NBPF3: variants seen among roughly 807,000 people sequenced by gnomAD.
NBPF3 encodes NBPF family member NBPF3.
In NBPF3, 57 loss-of-function variants were observed where a neutral mutation model predicts 78.1. The ratio of observed to expected loss-of-function variants is 0.73; its 90% CI spans 0.59 to 0.91. The LOEUF is 0.91. Ranked by LOEUF, NBPF3 falls within the 40% of genes least tolerant of loss-of-function variation. The pLI, the probability that NBPF3 is intolerant of heterozygous loss-of-function variation, is 0.00. For synonymous variants in NBPF3, 182 were observed against 271.7 expected (o/e 0.67, Z 3.25); for missense variants, 510 against 715.3 (o/e 0.71, Z 3.27).
chr1:21,436,856 G>T, upstream of NBPF3: 1 of 773,876 alleles, frequency 1.3e-6, no homozygotes, highest in Non-Finnish European at 1.8e-6. The surrounding 1 kb of genome is among the most constrained non-coding windows in gnomAD (Gnocchi z 4.3). Flanking sequence ...GGCCCGGGGG[G>T]AGGGGCTCGC....
rs1310137880 is a variant in NBPF3, at chr1:21,460,049, G to A, written c.134-8639G>A. The A allele has an allele frequency of 8.6e-5, 7 of 81,050 alleles. 3 individuals carry two copies. Among genetic ancestry groups the A allele is most frequent in the Non-Finnish European group, 2.1e-4 (7 of 32,836 alleles). The allele number at this position is 81,050 out of a possible 1,614,324, so 5.0% of individuals were successfully genotyped here. On this transcript the variant is annotated intron_variant, in intron 2 of 14. Transcript: ENST00000318249. The surrounding 1 kb of genome is among the most constrained non-coding windows in gnomAD (Gnocchi z 4.2). ...GCCGCGAACCTAACAGGTCCCATCC[G>A]CCACGAGGCTGTAGATAGAGGCGTC...
intron 2 of NBPF3, chr1:21,468,476 A>G: frequency 7.0e-7 from 1 of 1,435,668 alleles, no homozygotes; most frequent in East Asian, 2.5e-5. Flanking sequence ...CTCTTGTCGG[A>G]GACTGAGCTA....
rs148054704 is a variant in NBPF3 at position 21,477,482 on chromosome 1, G to A, written c.993-662G>A. 1.8e-3 allele frequency among the ~76,000 whole-genome samples: 272 copies of A among 152,192 alleles called. 1 individual carries two copies. Among genetic ancestry groups the A allele is most frequent in the African/African-American group, 6.3e-3 (261 of 41,510 alleles). ...TTGGTGTGGATGTCCTTTTGTTGAC[G>A]TTGATTCCTTTCTGTTTGTTAGTTT... On this transcript the variant is annotated intron_variant, in intron 8 of 14. Transcript: ENST00000318249.
intron 6 of NBPF3, 51 bp from the exon 7 acceptor site, chr1:21,473,329 A>G (rs866795917): frequency 6.3e-7 from 1 of 1,588,820 alleles, no homozygotes; most frequent in East Asian, 2.2e-5. Context: ...CCTGGTGTCC[A>G]ATCCCTCTGT....
In NBPF3 at chr1:21,478,154, G is replaced by C. The variant is rs761331030; in HGVS notation, c.1003G>C (p.Glu335Gln). The C allele has an allele frequency of 6.2e-7, 1 of 1,614,050 alleles. No individual in the cohort carries two copies. The highest frequency in any genetic ancestry group is 1.1e-5 in the South Asian group (1 of 91,074). ...TGCCTGGCTCATCAGGAATCTGCAG[G>C]AGTCTGAAGAGGAGGAAGCCCCCCA... ...KGPVSPRNLQ[E>Q]SEEEEAPQES... The change falls in exon 9 of 15, where the codon GAG becomes CAG. Residue 335 changes from glutamate to glutamine, a missense_variant. By Grantham distance (29) the Glu-to-Gln change is conservative (BLOSUM62 2). Coordinates refer to ENST00000318249, the MANE Select transcript of NBPF3 (RefSeq NM_032264.6).
chr1:21,449,125 G>A (rs1641156897), intron 2 of NBPF3, among the ~76,000 whole-genome samples: 1 of 152,102 alleles, frequency 6.6e-6, no homozygotes. Context: ...CCTAATCCCT[G>A]GTCCCCATGA....
chr1:21,464,581 A>G (rs1392635654), intron 2 of NBPF3, among the ~76,000 whole-genome samples: 1 of 152,024 alleles, frequency 6.6e-6, no homozygotes, highest in East Asian at 1.9e-4. Flanking sequence ...ACTGAAATGT[A>G]TGCTTAAAAA....
chr1:21,468,558 G>A, intron 2 of NBPF3, 130 bp from the exon 3 acceptor site: 2 of 1,563,684 alleles, frequency 1.3e-6, no homozygotes, highest in South Asian at 2.4e-5. Context: ...CTAAAGTGCT[G>A]CGGGGACTGA....
At chr1:21,469,780 CT>C (rs1162272139) in intron 3 of NBPF3, among the ~76,000 whole-genome samples, 1 of 152,144 alleles carries the variant, frequency 6.6e-6, no homozygotes, top group Non-Finnish European at 1.5e-5. Context: ...GGCACAGGCT[CT>C]TGTTCCTAAA....
chr1:21,446,693 A>G (rs2147903791), intron 2 of NBPF3, among the ~76,000 whole-genome samples: 1 of 150,988 alleles, frequency 6.6e-6, no homozygotes, highest in East Asian at 2.0e-4. Context: ...ACTGAAACCT[A>G]CATTATTTAC....
intron 9 of NBPF3, 113 bp downstream of exon 9, chr1:21,478,420 G>C (rs1643001066): frequency 8.6e-7 from 1 of 1,163,422 alleles, no homozygotes; most frequent in African/African-American, 1.5e-5. Context: ...ACTGTGGGTG[G>C]AACCTATATA....
At position 21,472,893 on chromosome 1, in the gene NBPF3, G is replaced by C; in HGVS notation, c.712G>C (p.Val238Leu). The change falls in exon 6 of 15, where the codon GTA becomes CTA. Residue 238 changes from valine to leucine, a missense_variant. Transcript: ENST00000318249. ...TGTTAAAGTTGAGGAGGCTGAGAAA[G>C]TACAGGAATTATATGCCCCCAGGTA... ...EDVKVEEAEK[V>L]QELYAPREVQ... 6.2e-7 allele frequency: 1 copy of C among 1,612,630 alleles called. No homozygotes were observed. The highest frequency in any genetic ancestry group is 8.5e-7 in the Non-Finnish European group (1 of 1,178,640).
chr1:21,471,211 G>T (rs1426323625), intron 4 of NBPF3, among the ~76,000 whole-genome samples: 1 of 152,124 alleles, frequency 6.6e-6, no homozygotes, highest in African/African-American at 2.4e-5. Flanking sequence ...TTTGTATCTA[G>T]TCGCTGCAAG....
At chr1:21,452,161 CCTTG>C (rs1641347708) in intron 2 of NBPF3, among the ~76,000 whole-genome samples, 1 of 152,072 alleles carries the variant, frequency 6.6e-6, no homozygotes, top group African/African-American at 2.4e-5. Flanking sequence ...CAAAGTGTTG[CCTTG>C]CTTCCTTTTT....
chr1:21,477,481 C>T lies in NBPF3; in HGVS notation c.993-663C>T, dbSNP rs116058285. 3.7e-3 allele frequency among the ~76,000 whole-genome samples: 565 copies of T among 152,184 alleles called. 2 individuals are homozygous for T. Among genetic ancestry groups the T allele is most frequent in the Non-Finnish European group, 6.4e-3 (438 of 68,000 alleles). Reference sequence around the variant, plus strand: ...TTTGGTGTGGATGTCCTTTTGTTGACGTTGATTCCTTTCTGTTTGTTAGTT... The same window carrying T: ...TTTGGTGTGGATGTCCTTTTGTTGATGTTGATTCCTTTCTGTTTGTTAGTT... On this transcript the variant is annotated intron_variant, in intron 8 of 14. Transcript: ENST00000318249.
At chr1:21,479,280 C>A (rs1414347565) in intron 9 of NBPF3, 69 bp from the exon 10 acceptor site, 14 of 1,497,728 alleles carry the variant, frequency 9.3e-6, no homozygotes, top group African/African-American at 1.4e-5. Flanking sequence ...TAGGATTGGA[C>A]AGAGGAATGT....
intron 1 of NBPF3, among the ~76,000 whole-genome samples, chr1:21,441,241 T>A (rs1189105095): frequency 2.0e-5 from 3 of 152,180 alleles, no homozygotes; most frequent in African/African-American, 7.2e-5. Flanking sequence ...TTGGAGCTGA[T>A]ATGCGTTAGT....
chr1:21,462,896 G>T (rs552864848), intron 2 of NBPF3, among the ~76,000 whole-genome samples: 1 of 152,148 alleles, frequency 6.6e-6, no homozygotes, highest in Middle Eastern at 3.2e-3. Flanking sequence ...AAATATGATC[G>T]CATGGCAGTG....
In NBPF3 at chr1:21,445,232, A is replaced by G. The variant is rs1444558744; in HGVS notation, c.133+13A>G. On this transcript the variant is annotated intron_variant, in intron 2 of 14. Transcript: ENST00000318249. ...CGAGATCCAACAGGTAAAAATCCCGAGGCATTGCCAGCTCGGTGGGGTCAG... is the reference window on the plus strand; with the variant it reads ...CGAGATCCAACAGGTAAAAATCCCGGGGCATTGCCAGCTCGGTGGGGTCAG... 6.2e-7 allele frequency: 1 copy of G among 1,610,398 alleles called. No individual in the cohort carries two copies. Among genetic ancestry groups the G allele is most frequent in the South Asian group, 1.1e-5 (1 of 90,888 alleles).
Sources: gnomAD v4.1 joint callset for allele counts (sites outside exome capture counted in the v4.1 genomes callset) on GRCh38, gnomAD v4.1.1 for gene constraint, Gnocchi (gnomAD v3.1) non-coding constraint, MANE v1.5 for transcripts, NCBI Gene and HGNC (gene_info 2026-07-23, HGNC 2026-07-21) for gene names.